CEP112: variants seen among roughly 807,000 people sequenced by gnomAD.
The protein encoded by CEP112 is centrosomal protein 112, also known as centrosomal protein of 112 kDa.
A neutral mutation model predicts 153.0 loss-of-function variants in CEP112; 127 were observed. The observed-to-expected ratio is 0.83, with a 90% CI of 0.72 to 0.96. The LOEUF is 0.96. Among genes scored for constraint, CEP112 ranks in the 40% least tolerant of loss-of-function variants. CEP112 has a pLI of 0.00. For synonymous variants in CEP112, 358 were observed against 374.4 expected (o/e 0.96, Z 0.51); for missense variants, 1,089 against 1,101.2 (o/e 0.99, Z 0.16).
intron 21 of CEP112, among the ~76,000 whole-genome samples, chr17:65,836,279 C>T (rs2057304153): frequency 1.3e-5 from 2 of 152,178 alleles, no homozygotes; most frequent in African/African-American, 4.8e-5. Context: ...GCAGTAAACT[C>T]TTTCCTATCA....
chr17:65,762,784 A>T (rs2052687422), intron 21 of CEP112, among the ~76,000 whole-genome samples: 3 of 152,006 alleles, frequency 2.0e-5, no homozygotes, highest in Admixed American at 2.0e-4. Flanking sequence ...AGCTTATGTA[A>T]GTATATATGT....
rs1306381972 is a variant in CEP112 at position 65,851,898 on chromosome 17, T to A, written c.2300A>T (p.Glu767Val). ...EEKQRATREH[E>V]IVVNKLKAES... ...AGCCTTCAGTTTATTGACGACAATC[T>A]CATGTTCCCTTGTAGCCCTTTGCTT... Residue 767 changes from glutamate to valine, a missense_variant, in exon 21 of 27, where the codon GAG (glutamate) becomes GTG (valine). Coordinates refer to ENST00000535342, the MANE Select transcript of CEP112 (RefSeq NM_001199165.4). The A allele has an allele frequency of 2.5e-6, 4 of 1,614,204 alleles. No individual in the cohort carries two copies. The highest frequency in any genetic ancestry group is 1.6e-4 in the Middle Eastern group (1 of 6,062).
At chr17:65,770,940 A>AAAG (rs2053314785) in intron 21 of CEP112, among the ~76,000 whole-genome samples, 1 of 151,302 alleles carries the variant, frequency 6.6e-6, no homozygotes, top group South Asian at 2.1e-4. Flanking sequence ...AAAAAAAAAA[A>AAAG]AAAAGAAATA....
At chr17:65,924,658 G>T (rs2144129369) in intron 19 of CEP112, among the ~76,000 whole-genome samples, 1 of 152,228 alleles carries the variant, frequency 6.6e-6, no homozygotes, top group East Asian at 1.9e-4. Flanking sequence ...CCTTTCTGTG[G>T]TGATTACTTC....
intron 8 of CEP112, among the ~76,000 whole-genome samples, chr17:66,092,356 AACAC>A (rs3056819): frequency 2.1e-3 from 290 of 135,138 alleles, no homozygotes; most frequent in Non-Finnish European, 3.5e-3. Flanking sequence ...CATTAATTTA[AACAC>A]ACACACACAC....
intron 20 of CEP112, among the ~76,000 whole-genome samples, chr17:65,897,986 C>T (rs930005773): frequency 1.3e-5 from 2 of 152,058 alleles, no homozygotes; most frequent in African/African-American, 2.4e-5. Flanking sequence ...TCCCTCTTTG[C>T]TGTGGCTTCC....
intron 7 of CEP112, 84 bp downstream of exon 7, chr17:66,096,501 G>T (rs186233938): frequency 1.7e-6 from 2 of 1,145,130 alleles, no homozygotes; most frequent in Admixed American, 4.1e-5. Context: ...ATGTAGATCC[G>T]CATTATTTTC....
At chr17:65,665,778 C>T (rs909028958) in intron 24 of CEP112, among the ~76,000 whole-genome samples, 2 of 152,190 alleles carry the variant, frequency 1.3e-5, no homozygotes, top group East Asian at 3.9e-4. Context: ...ATTTGTTCTT[C>T]AACCAATTAT....
At chr17:65,649,741 C>T (rs2045638984) in intron 24 of CEP112, among the ~76,000 whole-genome samples, 1 of 145,746 alleles carries the variant, frequency 6.9e-6, no homozygotes, top group African/African-American at 2.6e-5. Context: ...AAAAAGTGTG[C>T]CCAATATTAC....
intron 2 of CEP112, among the ~76,000 whole-genome samples, chr17:66,178,744 G>A (rs117799372): frequency 0.034 from 5,190 of 152,202 alleles, 131 homozygotes; most frequent in Middle Eastern, 0.061. Context: ...TGGGAGACAA[G>A]GGTCTAGTTT....
chr17:66,044,242 A>G (rs1039171259), intron 12 of CEP112, among the ~76,000 whole-genome samples: 1 of 151,938 alleles, frequency 6.6e-6, no homozygotes, highest in African/African-American at 2.4e-5. Flanking sequence ...AAATATACCT[A>G]TGCAATAAAC....
intron 20 of CEP112, among the ~76,000 whole-genome samples, chr17:65,860,405 G>A (rs988947921): frequency 2.0e-5 from 3 of 152,056 alleles, no homozygotes; most frequent in Admixed American, 6.6e-5. Flanking sequence ...AAGAGCTTTC[G>A]ACAAGGTGGA....
At chr17:65,946,812 A>G (rs755543809) in intron 18 of CEP112, among the ~76,000 whole-genome samples, 4 of 152,120 alleles carry the variant, frequency 2.6e-5, no homozygotes, top group Non-Finnish European at 5.9e-5. Flanking sequence ...GGAGACTTCA[A>G]ATCCATACAC....
intron 8 of CEP112, among the ~76,000 whole-genome samples, chr17:66,086,425 A>G (rs2067937531): frequency 9.8e-6 from 1 of 101,978 alleles, no homozygotes; most frequent in Admixed American, 1.6e-4. Context: ...TTTTTTTGAG[A>G]AGGAGTCTTG....
intron 20 of CEP112, among the ~76,000 whole-genome samples, chr17:65,877,483 G>T (rs2058877337): frequency 6.6e-6 from 1 of 152,140 alleles, no homozygotes; most frequent in South Asian, 2.1e-4. Context: ...GCTCAAGGAG[G>T]CACCCTTTAT....
At chr17:66,078,302 A>G (rs1344316648) in intron 8 of CEP112, among the ~76,000 whole-genome samples, 1 of 135,334 alleles carries the variant, frequency 7.4e-6, no homozygotes, top group Non-Finnish European at 1.5e-5. Flanking sequence ...CTCTGTTCCC[A>G]TGCTGAAGTG....
chr17:66,040,704 T>TG (rs34007451), intron 12 of CEP112, among the ~76,000 whole-genome samples: 78,337 of 151,844 alleles, frequency 0.52, 21,084 homozygotes, highest in African/African-American at 0.59. Context: ...TTGGCCAGGC[T>TG]GTCTCAAACT....
chr17:66,138,132 T>C lies in CEP112; in HGVS notation c.471-5369A>G, dbSNP rs187518021. Among the ~76,000 whole-genome samples, 20 of 152,294 alleles carry C rather than the reference T, an allele frequency of 1.3e-4. 1 individual carries two copies. The highest frequency in any genetic ancestry group is 3.9e-4 in the East Asian group (2 of 5,178). On this transcript the variant is annotated intron_variant, in intron 4 of 26. Coordinates refer to ENST00000535342, the MANE Select transcript of CEP112 (RefSeq NM_001199165.4). ...TATTTGGGCACTGCAGCCAAGCAGA[T>C]GGGAGATCAGTATCAAATCCATCTC...
chr17:66,151,733 C>T (rs540771467), intron 4 of CEP112, among the ~76,000 whole-genome samples: 1 of 152,168 alleles, frequency 6.6e-6, no homozygotes, highest in Admixed American at 6.5e-5. Context: ...GAGCAATACC[C>T]CAGCAAGGAC....
Sources: gnomAD v4.1 joint callset for allele counts (sites outside exome capture counted in the v4.1 genomes callset) on GRCh38, gnomAD v4.1.1 for gene constraint, MANE v1.5 for transcripts, NCBI Gene and HGNC (gene_info 2026-07-23, HGNC 2026-07-21) for gene names.